GRM5: variants seen among roughly 807,000 people sequenced by gnomAD.
GRM5 encodes metabotropic glutamate receptor 5.
A neutral mutation model predicts 83.1 loss-of-function variants in GRM5; 19 were observed. That is an observed-to-expected ratio of 0.23 (90% confidence interval 0.16 to 0.34). The LOEUF (loss-of-function observed/expected upper bound fraction) is 0.34, where lower values mean the gene tolerates loss of function less well. GRM5 is among the 10% of genes least tolerant of loss of function. The pLI is 1.00. For missense variants in GRM5, 1,160 were observed against 1,588.3 expected, an observed-to-expected ratio of 0.73 and a Z score of 4.58; for synonymous variants, 675 against 633.6, an observed-to-expected ratio of 1.07 and a Z score of -0.98.
At chr11:88,535,126 C>T (rs1320194047) in intron 8 of GRM5, among the ~76,000 whole-genome samples, 1 of 152,162 alleles carries the variant, frequency 6.6e-6, no homozygotes, top group Admixed American at 6.6e-5. Context: ...AATACAGTTA[C>T]ATGGAAGATA....
At chr11:89,012,522 A>T (rs1039313121) in intron 2 of GRM5, among the ~76,000 whole-genome samples, 1 of 152,316 alleles carries the variant, frequency 6.6e-6, no homozygotes, top group African/African-American at 2.4e-5. Flanking sequence ...TATGATGCGT[A>T]AAAAATATAA....
At chr11:88,560,487 T>C (rs1478464257) in intron 8 of GRM5, among the ~76,000 whole-genome samples, 3 of 152,170 alleles carry the variant, frequency 2.0e-5, no homozygotes, top group African/African-American at 4.8e-5. Flanking sequence ...CTGATGCTGC[T>C]GAGTAGGCAT....
At chr11:89,017,929 C>T (rs1940899072) in intron 2 of GRM5, among the ~76,000 whole-genome samples, 2 of 151,970 alleles carry the variant, frequency 1.3e-5, no homozygotes, top group Admixed American at 6.6e-5. Context: ...TACTTCTTAC[C>T]ACCTCTTTCT....
intron 3 of GRM5, among the ~76,000 whole-genome samples, chr11:88,724,454 T>A (rs1467457492): frequency 6.6e-6 from 1 of 152,182 alleles, no homozygotes; most frequent in African/African-American, 2.4e-5. Flanking sequence ...TAACTTGATA[T>A]TTATCTTCTT....
At chr11:89,054,521 T>C (rs1229857050) in intron 1 of GRM5, among the ~76,000 whole-genome samples, 1 of 152,046 alleles carries the variant, frequency 6.6e-6, no homozygotes, top group Non-Finnish European at 1.5e-5. Context: ...GAACAGGAGA[T>C]AAAATGTGAA....
intron 2 of GRM5, among the ~76,000 whole-genome samples, chr11:88,984,271 A>AT (rs1939618455): frequency 6.6e-6 from 1 of 152,058 alleles, no homozygotes; most frequent in Non-Finnish European, 1.5e-5. Flanking sequence ...CGGGTGTACC[A>AT]TTTTTTATCT....
At chr11:88,758,130 G>C (rs1311804956) in intron 3 of GRM5, among the ~76,000 whole-genome samples, 1 of 152,170 alleles carries the variant, frequency 6.6e-6, no homozygotes, top group East Asian at 1.9e-4. Context: ...AGCCTACAAA[G>C]ATGAGAAAGA....
In GRM5 at chr11:88,885,450, G is replaced by GGTTTTTTTTTTTT. The variant is rs1945027301; in HGVS notation, c.662-35296_662-35295insAAAAAAAAAAAAC. Reference sequence around the variant, plus strand: ...TTCTGAATTCTATAGTAGGTACCATGTTTTTTTTTTTTTTTTTTTTTTTTT... The same window carrying GGTTTTTTTTTTTT: ...TTCTGAATTCTATAGTAGGTACCATGGTTTTTTTTTTTTTTTTTTTTTTTTTTTTTTTTTTTTT... On this transcript the variant is annotated intron_variant, in intron 2 of 9. Transcript: ENST00000305447. Among the ~76,000 whole-genome samples the GGTTTTTTTTTTTT allele has an allele frequency of 6.7e-4, 42 of 62,664 alleles. 17 individuals carry two copies. The highest frequency in any genetic ancestry group is 1.7e-3 in the African/African-American group (28 of 16,892). The allele number at this position is 62,664 out of a possible 152,430, so 41.1% of individuals were successfully genotyped here. A position where few individuals can be genotyped will look rare whatever the true frequency, so the allele number is the denominator to read the frequency against.
intron 5 of GRM5, among the ~76,000 whole-genome samples, chr11:88,603,792 G>A (rs1366545557): frequency 6.6e-6 from 1 of 152,178 alleles, no homozygotes; most frequent in Non-Finnish European, 1.5e-5. Context: ...GACAGAATGT[G>A]TGGGCACATG....
At chr11:88,790,915 C>A (rs1291698619) in intron 3 of GRM5, among the ~76,000 whole-genome samples, 1 of 152,044 alleles carries the variant, frequency 6.6e-6, no homozygotes, top group Non-Finnish European at 1.5e-5. Flanking sequence ...TGGGGAGCCT[C>A]TGGAAATTTA....
chr11:88,884,728 T>C (rs1945013738), intron 2 of GRM5, among the ~76,000 whole-genome samples: 1 of 152,148 alleles, frequency 6.6e-6, no homozygotes, highest in African/African-American at 2.4e-5. Flanking sequence ...ATTCTTGCGG[T>C]AGTGAATAAA....
chr11:88,793,360 C>T lies in GRM5; in HGVS notation c.911+56546G>A, dbSNP rs972501787. Among the ~76,000 whole-genome samples, 15 of 152,096 alleles carry T rather than the reference C, an allele frequency of 9.9e-5. 1 individual carries two copies. The highest frequency in any genetic ancestry group is 4.1e-4 in the South Asian group (2 of 4,824). ...ATATATAAAAATTTGACATATAATT[C>T]GAGAGAATTAATGGATTTTATAGTG... On this transcript the variant is annotated intron_variant, in intron 3 of 9. Transcript: ENST00000305447.
chr11:88,969,219 T>G (rs906372400), intron 2 of GRM5, among the ~76,000 whole-genome samples: 4 of 152,050 alleles, frequency 2.6e-5, no homozygotes, highest in Admixed American at 1.3e-4. Context: ...TTTAAAAAAT[T>G]TTCATATTTT....
chr11:88,572,317 G>T (rs1343544929), intron 7 of GRM5, among the ~76,000 whole-genome samples: 5 of 152,148 alleles, frequency 3.3e-5, no homozygotes, highest in Admixed American at 6.6e-5. Flanking sequence ...GAGAGAGGGA[G>T]AGAATATGTC....
chr11:88,679,814 G>C (rs1159821067), intron 3 of GRM5, among the ~76,000 whole-genome samples: 2 of 152,080 alleles, frequency 1.3e-5, no homozygotes, highest in Admixed American at 1.3e-4. Context: ...TAAGACAAAA[G>C]CTTTACCACA....
At chr11:88,993,749 T>A (rs1332018653) in intron 2 of GRM5, among the ~76,000 whole-genome samples, 1 of 152,182 alleles carries the variant, frequency 6.6e-6, no homozygotes, top group African/African-American at 2.4e-5. Flanking sequence ...TGAGACAGGG[T>A]CTCACTCTGT....
chr11:88,637,866 T>G (rs1939179969), intron 4 of GRM5, among the ~76,000 whole-genome samples: 1 of 149,582 alleles, frequency 6.7e-6, no homozygotes, highest in Non-Finnish European at 1.5e-5. Context: ...GTATGTTTAT[T>G]GCGGCATTAT....
intron 3 of GRM5, among the ~76,000 whole-genome samples, chr11:88,701,557 G>C (rs1941036324): frequency 6.6e-6 from 1 of 152,084 alleles, no homozygotes; most frequent in Non-Finnish European, 1.5e-5. Flanking sequence ...ATTTTCCCTG[G>C]AAAAGAAACC....
intron 4 of GRM5, among the ~76,000 whole-genome samples, chr11:88,628,801 A>G (rs1938878091): frequency 6.6e-6 from 1 of 152,174 alleles, no homozygotes; most frequent in Non-Finnish European, 1.5e-5. Context: ...ATCACAATCT[A>G]ATGTAGATTG....
Sources: gnomAD v4.1 joint callset for allele counts (sites outside exome capture counted in the v4.1 genomes callset) on GRCh38, gnomAD v4.1.1 for gene constraint, MANE v1.5 for transcripts, NCBI Gene and HGNC (gene_info 2026-07-23, HGNC 2026-07-21) for gene names.